LSAMP: variants seen among roughly 807,000 people sequenced by gnomAD.
LSAMP encodes limbic system associated membrane protein, also known as limbic system-associated membrane protein.
LSAMP carries 7 observed loss-of-function variants against 38.6 expected under a neutral mutation model. That is an observed-to-expected ratio of 0.18 (90% CI 0.10 to 0.34). LSAMP has a LOEUF of 0.34. Ranked by LOEUF, LSAMP falls within the 10% of genes least tolerant of loss-of-function variation. The pLI is 1.00. For synonymous variants in LSAMP, 154 were observed against 166.8 expected (o/e 0.92, Z 0.59); for missense variants, 313 against 420.0 (o/e 0.75, Z 2.23).
At chr3:116,393,660 C>T (rs1212743833) in intron 1 of LSAMP, among the ~76,000 whole-genome samples, 1 of 152,160 alleles carries the variant, frequency 6.6e-6, no homozygotes, top group East Asian at 1.9e-4. Context: ...AAAAGCAGCA[C>T]CCCAAAGATC....
intron 1 of LSAMP, among the ~76,000 whole-genome samples, chr3:116,246,528 C>A (rs1484476474): frequency 3.3e-5 from 5 of 152,102 alleles, no homozygotes; most frequent in African/African-American, 1.2e-4. Context: ...CAGGCAAATG[C>A]CAGTATTCAC....
intron 1 of LSAMP, among the ~76,000 whole-genome samples, chr3:116,432,654 G>A (rs757884002): frequency 5.9e-5 from 9 of 151,982 alleles, no homozygotes; most frequent in South Asian, 4.1e-4. Context: ...ATTCAAAAAC[G>A]TAAAGCCACT....
In LSAMP at chr3:115,807,339, G is replaced by T. The variant is rs1933653241; in HGVS notation, c.*2978C>A. ...GTTTTCTCTGAAACAGGAACCAGAA[G>T]CAAATTTTTAAAATTTCAAGATCCT... On this transcript the variant is annotated 3_prime_UTR_variant, in exon 7 of 7. Transcript: ENST00000490035. 6.6e-6 allele frequency: 1 copy of T among 152,118 alleles called. No homozygotes were observed. The highest frequency in any genetic ancestry group is 2.4e-5 in the African/African-American group (1 of 41,398). 9.4% of individuals were successfully genotyped at this position (152,118 alleles called of 1,614,324 possible). A position where few individuals can be genotyped will look rare whatever the true frequency, so the allele number is the denominator to read the frequency against.
intron 3 of LSAMP, among the ~76,000 whole-genome samples, chr3:115,887,848 A>C (rs894496193): frequency 2.0e-5 from 3 of 151,938 alleles, no homozygotes; most frequent in African/African-American, 7.2e-5. Flanking sequence ...CTACAGTGAG[A>C]GCATAATCCC....
At chr3:116,283,944 T>C (rs1404964814) in intron 1 of LSAMP, among the ~76,000 whole-genome samples, 1 of 152,094 alleles carries the variant, frequency 6.6e-6, no homozygotes, top group African/African-American at 2.4e-5. Flanking sequence ...AGGCGGAGGT[T>C]GCAGTGAGCC....
At chr3:115,972,551 T>G (rs1939052037) in intron 3 of LSAMP, among the ~76,000 whole-genome samples, 2 of 151,728 alleles carry the variant, frequency 1.3e-5, no homozygotes, top group South Asian at 4.1e-4. Context: ...CTCTCCTTTA[T>G]TTGAATTCAA....
At chr3:116,273,377 G>A (rs1462739076) in intron 1 of LSAMP, among the ~76,000 whole-genome samples, 1 of 151,706 alleles carries the variant, frequency 6.6e-6, no homozygotes, top group Non-Finnish European at 1.5e-5. Flanking sequence ...ACTGAGAGAA[G>A]TAGAATATTC....
At chr3:115,840,933 A>C (rs1934978484) in intron 6 of LSAMP, among the ~76,000 whole-genome samples, 1 of 152,208 alleles carries the variant, frequency 6.6e-6, no homozygotes. Flanking sequence ...AGCATGGGCT[A>C]ACTTTTCGGT....
chr3:115,876,907 G>A (rs1936195192), intron 3 of LSAMP, among the ~76,000 whole-genome samples: 1 of 151,954 alleles, frequency 6.6e-6, no homozygotes, highest in South Asian at 2.1e-4. Context: ...TCTTCTTATA[G>A]TTTTTCTTCA....
intron 3 of LSAMP, among the ~76,000 whole-genome samples, chr3:115,920,041 T>C (rs1576219308): frequency 6.6e-6 from 1 of 152,356 alleles, no homozygotes; most frequent in East Asian, 1.9e-4. Context: ...TGTCAGTAAC[T>C]GAATAATATT....
At chr3:116,403,283 T>C (rs572223317) in intron 1 of LSAMP, among the ~76,000 whole-genome samples, 1 of 152,320 alleles carries the variant, frequency 6.6e-6, no homozygotes, top group East Asian at 1.9e-4. Flanking sequence ...AAGTTTCCTT[T>C]TCTTTATAGT....
At chr3:115,927,111 A>G (rs924021419) in intron 3 of LSAMP, among the ~76,000 whole-genome samples, 9 of 152,196 alleles carry the variant, frequency 5.9e-5, no homozygotes. Context: ...ACTCTTCTTT[A>G]TGGGAAATAT....
At chr3:116,210,943 A>G (rs1432739957) in intron 1 of LSAMP, among the ~76,000 whole-genome samples, 3 of 152,270 alleles carry the variant, frequency 2.0e-5, no homozygotes, top group Middle Eastern at 3.4e-3. Context: ...ATGTCTATCA[A>G]CAGATGAATG....
intron 1 of LSAMP, among the ~76,000 whole-genome samples, chr3:116,141,398 G>A (rs1447994702): frequency 7.5e-6 from 1 of 134,116 alleles, no homozygotes; most frequent in Non-Finnish European, 1.7e-5. Context: ...AGAGAAAGGT[G>A]AAAATGTAAT....
chr3:116,422,989 T>C (rs1052359848), intron 1 of LSAMP, among the ~76,000 whole-genome samples: 3 of 152,208 alleles, frequency 2.0e-5, no homozygotes, highest in Admixed American at 2.0e-4. Context: ...AATCAGAATG[T>C]AAGCCCCGTG....
intron 3 of LSAMP, among the ~76,000 whole-genome samples, chr3:115,905,699 A>G (rs1936990950): frequency 6.6e-6 from 1 of 152,152 alleles, no homozygotes; most frequent in East Asian, 1.9e-4. Context: ...ACAGCCTTAC[A>G]TAAAGAAGTC....
At chr3:116,224,027 T>A (rs1007140383) in intron 1 of LSAMP, among the ~76,000 whole-genome samples, 2 of 152,126 alleles carry the variant, frequency 1.3e-5, no homozygotes, top group African/African-American at 4.8e-5. Flanking sequence ...AAAAAAACTT[T>A]CCTGAAATTC....
chr3:116,071,045 TA>T (rs1370547908), intron 2 of LSAMP, among the ~76,000 whole-genome samples: 5 of 129,666 alleles, frequency 3.9e-5, no homozygotes, highest in Admixed American at 7.7e-5. Flanking sequence ...CATCTCAAAA[TA>T]AATAAATAAT....
intron 1 of LSAMP, among the ~76,000 whole-genome samples, chr3:116,155,048 A>AT (rs1163850193): frequency 2.7e-5 from 4 of 149,978 alleles, no homozygotes; most frequent in East Asian, 3.9e-4. Flanking sequence ...TTTGTCTTTT[A>AT]TTTTTTTTAT....
Sources: gnomAD v4.1 joint callset for allele counts (sites outside exome capture counted in the v4.1 genomes callset) on GRCh38, gnomAD v4.1.1 for gene constraint, MANE v1.5 for transcripts, NCBI Gene and HGNC (gene_info 2026-07-23, HGNC 2026-07-21) for gene names.